Variants in PTPRN2 observed in about 807,000 individuals in gnomAD.
The protein encoded by PTPRN2 is protein tyrosine phosphatase receptor type N2.
In PTPRN2, 74 loss-of-function variants were observed where a neutral mutation model predicts 118.8. The ratio of observed to expected loss-of-function variants is 0.62; its 90% CI spans 0.52 to 0.76. The LOEUF is 0.76. PTPRN2 is among the 30% of genes least tolerant of loss of function. PTPRN2 has a pLI of 0.00. For synonymous variants in PTPRN2, 641 were observed against 608.0 expected (o/e 1.05, Z -0.80); for missense variants, 1,481 against 1,394.4 (o/e 1.06, Z -0.99).
intron 11 of PTPRN2, among the ~76,000 whole-genome samples, chr7:157,992,923 G>A (rs1335855853): frequency 1.3e-5 from 2 of 152,256 alleles, no homozygotes; most frequent in Admixed American, 6.5e-5. Flanking sequence ...GACGCCAGGA[G>A]ACAGACGCGT....
At chr7:158,454,258 T>A (rs552670203) in intron 2 of PTPRN2, among the ~76,000 whole-genome samples, 1 of 146,158 alleles carries the variant, frequency 6.8e-6, no homozygotes, top group Non-Finnish European at 1.5e-5. Context: ...ACACAATCAC[T>A]GATGTGAGGA....
At chr7:157,749,916 C>A (rs1436114432) in intron 12 of PTPRN2, among the ~76,000 whole-genome samples, 3 of 149,622 alleles carry the variant, frequency 2.0e-5, no homozygotes, top group African/African-American at 7.4e-5. Flanking sequence ...AGGCCTGCAT[C>A]TCTGAGCTGT....
chr7:157,679,228 T>C (rs956065256), intron 13 of PTPRN2, among the ~76,000 whole-genome samples: 26 of 152,218 alleles, frequency 1.7e-4, no homozygotes, highest in Admixed American at 4.6e-4. Context: ...TCATGTTTTA[T>C]CTATTTAGAA....
chr7:158,060,343 C>T (rs969565249), intron 11 of PTPRN2, among the ~76,000 whole-genome samples: 2 of 152,174 alleles, frequency 1.3e-5, no homozygotes, highest in Non-Finnish European at 2.9e-5. Context: ...AGGGTAGAAA[C>T]TCCCCCATCT....
rs143861701 is a variant in PTPRN2 at position 157,717,099 on chromosome 7, A to G, written c.1789-34162T>C. On this transcript the variant is annotated intron_variant, in intron 12 of 22. Coordinates refer to ENST00000389418, the MANE Select transcript of PTPRN2 (RefSeq NM_002847.5). ...CACTGCCTGGCCACTTAGACTCTGC[A>G]GGAACACTGCTGTTACCTCTCACTG... is the stretch of plus-strand genomic sequence containing the variant. Among the ~76,000 whole-genome samples the G allele has an allele frequency of 3.3e-3, 496 of 150,780 alleles. 13 individuals are homozygous for G. Among genetic ancestry groups the G allele is most frequent in the African/African-American group, 0.011 (455 of 40,672 alleles).
At chr7:157,822,677 A>C (rs537766602) in intron 12 of PTPRN2, among the ~76,000 whole-genome samples, 16 of 151,560 alleles carry the variant, frequency 1.1e-4, no homozygotes, top group Admixed American at 1.1e-3. Context: ...ATCCATCTAC[A>C]CACTATCCAT....
chr7:157,721,341 C>T (rs928263425), intron 12 of PTPRN2, among the ~76,000 whole-genome samples: 4 of 152,232 alleles, frequency 2.6e-5, no homozygotes, highest in African/African-American at 9.7e-5. Context: ...ATCCACATCC[C>T]TTCATGTGCC....
chr7:157,999,584 C>CCGG (rs1192267172), intron 11 of PTPRN2, among the ~76,000 whole-genome samples: 2 of 152,136 alleles, frequency 1.3e-5, no homozygotes, highest in African/African-American at 4.8e-5. Flanking sequence ...CTGGCACCCA[C>CCGG]CGGAGATGAG....
In PTPRN2 at chr7:158,187,298, C is replaced by T. The variant is rs73173686; in HGVS notation, c.549+5029G>A. Among the ~76,000 whole-genome samples the T allele has an allele frequency of 2.0e-3, 302 of 152,344 alleles. 4 individuals are homozygous for T. Among genetic ancestry groups the T allele is most frequent in the Non-Finnish European group, 2.6e-3 (176 of 68,040 alleles). ...TATGTTTAGGATATTTCTCCATCTA[C>T]GCTAGAGTTTCATTTTTGATGATGG... On this transcript the variant is annotated intron_variant, in intron 5 of 22. Transcript: ENST00000389418.
intron 3 of PTPRN2, among the ~76,000 whole-genome samples, chr7:158,209,055 C>A (rs1827379158): frequency 6.7e-6 from 1 of 149,032 alleles, no homozygotes; most frequent in Non-Finnish European, 1.5e-5. Flanking sequence ...TAAACAGATA[C>A]AACAAAAAGT....
chr7:158,366,787 A>C (rs190310178), intron 2 of PTPRN2, among the ~76,000 whole-genome samples: 1 of 152,332 alleles, frequency 6.6e-6, no homozygotes, highest in East Asian at 1.9e-4. Context: ...TGGTTACCAG[A>C]GATCCAAAGC....
At chr7:157,651,928 C>T (rs911760799) in intron 14 of PTPRN2, among the ~76,000 whole-genome samples, 2 of 152,204 alleles carry the variant, frequency 1.3e-5, no homozygotes, top group Non-Finnish European at 2.9e-5. Flanking sequence ...GCTCCATTCA[C>T]CCGCAGGTGA....
intron 2 of PTPRN2, among the ~76,000 whole-genome samples, chr7:158,442,857 G>A (rs1817449098): frequency 6.6e-6 from 1 of 151,872 alleles, no homozygotes; most frequent in Admixed American, 6.6e-5. Flanking sequence ...TCCATTTTTG[G>A]AGAAGTTAAA....
intron 2 of PTPRN2, among the ~76,000 whole-genome samples, chr7:158,322,928 G>A (rs1187088678): frequency 1.3e-5 from 2 of 152,236 alleles, no homozygotes; most frequent in Non-Finnish European, 2.9e-5. Context: ...AAGTGAGGAT[G>A]GTGGTCATGG....
At chr7:158,508,833 G>C in intron 1 of PTPRN2, among the ~76,000 whole-genome samples, 2 of 59,352 alleles carry the variant, frequency 3.4e-5, no homozygotes, top group South Asian at 1.7e-3. Context: ...TGGGTGTCGG[G>C]GCAACGTGGG....
intron 2 of PTPRN2, among the ~76,000 whole-genome samples, chr7:158,374,852 A>C (rs1385491402): frequency 6.6e-6 from 1 of 152,250 alleles, no homozygotes; most frequent in Non-Finnish European, 1.5e-5. Flanking sequence ...GTCACAGCAC[A>C]GGCAGGGGCT....
At chr7:158,267,285 G>C (rs113454985) in intron 3 of PTPRN2, among the ~76,000 whole-genome samples, 1 of 151,894 alleles carries the variant, frequency 6.6e-6, no homozygotes, top group Non-Finnish European at 1.5e-5. Flanking sequence ...GGAGTTGACC[G>C]GCTGGCCCGG....
intron 3 of PTPRN2, among the ~76,000 whole-genome samples, chr7:158,270,368 GGGGTGAGGAC>G (rs1798228068): frequency 6.6e-6 from 1 of 152,162 alleles, no homozygotes; most frequent in African/African-American, 2.4e-5. Context: ...CATGGTTCTC[GGGGTGAGGAC>G]GCCTCCTTGG....
chr7:158,330,933 ACTCT>A (rs1354872164), intron 2 of PTPRN2, among the ~76,000 whole-genome samples: 1 of 108,382 alleles, frequency 9.2e-6, no homozygotes, highest in Non-Finnish European at 1.9e-5. Context: ...TCACACCCAC[ACTCT>A]CACGATAAGA....
Sources: gnomAD v4.1 joint callset for allele counts (sites outside exome capture counted in the v4.1 genomes callset) on GRCh38, gnomAD v4.1.1 for gene constraint, MANE v1.5 for transcripts, NCBI Gene and HGNC (gene_info 2026-07-23, HGNC 2026-07-21) for gene names.